The following TBC1D1 variants were observed in gnomAD, a reference collection of about 807,000 sequenced individuals.
TBC1D1 encodes TBC1 (tre-2/USP6, BUB2, cdc16) domain family, member 1.
In TBC1D1, 89 loss-of-function variants were observed where a neutral mutation model predicts 125.6. The ratio of observed to expected loss-of-function variants is 0.71; its 90% CI spans 0.60 to 0.85. TBC1D1 has a LOEUF of 0.85. Among genes scored for constraint, TBC1D1 ranks in the 40% least tolerant of loss-of-function variants. The pLI is 0.00. For missense variants in TBC1D1, 1,377 were observed against 1,469.2 expected, an observed-to-expected ratio of 0.94 and a Z score of 1.03; for synonymous variants, 565 against 564.1, an observed-to-expected ratio of 1.00 and a Z score of -0.02.
chr4:38,103,281 A>T lies in TBC1D1; in HGVS notation c.2557+124A>T, dbSNP rs1436623826. 5 of 987,622 alleles carry T rather than the reference A, an allele frequency of 5.1e-6. No homozygotes were observed. In the East Asian group the frequency reaches 1.3e-4, roughly 25 times the overall value. The allele number at this position is 987,622 out of a possible 1,614,324, so 61.2% of individuals were successfully genotyped here. A position where few individuals can be genotyped will look rare whatever the true frequency, so the allele number is the denominator to read the frequency against. ...TTAGCAATCAAAATTTACTACTGAG[A>T]CTTTTAATTTAAAAAGCCCTAGGGT... On this transcript the variant is annotated intron_variant, in intron 15 of 19. Coordinates refer to ENST00000261439, the MANE Select transcript of TBC1D1 (RefSeq NM_015173.4).
At chr4:37,930,646 T>A (rs1455638225) in intron 2 of TBC1D1, among the ~76,000 whole-genome samples, 1 of 152,206 alleles carries the variant, frequency 6.6e-6, no homozygotes, top group East Asian at 1.9e-4. Context: ...AAAGTCAGGA[T>A]AAACTAATTA....
intron 2 of TBC1D1, among the ~76,000 whole-genome samples, chr4:37,936,442 T>G (rs563106926): frequency 2.6e-5 from 4 of 152,212 alleles, no homozygotes; most frequent in African/African-American, 7.2e-5. Context: ...GTTGCTGCAC[T>G]GGAATCTGTT....
chr4:37,985,608 T>TA (rs1396409571), intron 2 of TBC1D1, among the ~76,000 whole-genome samples: 2 of 152,214 alleles, frequency 1.3e-5, no homozygotes, highest in Non-Finnish European at 2.9e-5. Flanking sequence ...GTTCCTATTT[T>TA]AAAATCCATT....
At chr4:37,893,780 C>T (rs183240874) in intron 1 of TBC1D1, among the ~76,000 whole-genome samples, 1 of 152,098 alleles carries the variant, frequency 6.6e-6, no homozygotes, top group African/African-American at 2.4e-5. Context: ...GAAACATGAT[C>T]GTGCCACTGA....
In TBC1D1 at chr4:37,992,936, C is replaced by T. The variant is rs533091711; in HGVS notation, c.418-21573C>T. Among the ~76,000 whole-genome samples, 845 of 151,898 alleles carry T rather than the reference C, an allele frequency of 5.6e-3. 5 individuals carry two copies. Among genetic ancestry groups the T allele is most frequent in the South Asian group, 0.027 (130 of 4,798 alleles). ...TCTCCTGCCTTGGCCTCCCGAGTAG[C>T]CAGGATTACAGGCGTGTGTCATCAT... On this transcript the variant is annotated intron_variant, in intron 2 of 19. Transcript: ENST00000261439.
At chr4:37,955,266 G>A (rs1054446839) in intron 2 of TBC1D1, among the ~76,000 whole-genome samples, 2 of 152,050 alleles carry the variant, frequency 1.3e-5, no homozygotes, top group Non-Finnish European at 2.9e-5. Flanking sequence ...TCCAAAGGTA[G>A]CGCAGACTTA....
At chr4:38,117,660 T>G (rs1246017381) in intron 16 of TBC1D1, among the ~76,000 whole-genome samples, 1 of 152,250 alleles carries the variant, frequency 6.6e-6, no homozygotes, top group Non-Finnish European at 1.5e-5. Context: ...GAGACTGGCT[T>G]CTTATTTCTA....
intron 2 of TBC1D1, among the ~76,000 whole-genome samples, chr4:37,980,548 C>T (rs1282212905): frequency 6.6e-6 from 1 of 152,130 alleles, no homozygotes; most frequent in Non-Finnish European, 1.5e-5. Flanking sequence ...TTTGCACCTG[C>T]TTATAAAGTT....
intron 18 of TBC1D1, among the ~76,000 whole-genome samples, chr4:38,128,746 A>G (rs1765077447): frequency 6.6e-6 from 1 of 152,190 alleles, no homozygotes; most frequent in African/African-American, 2.4e-5. Flanking sequence ...ACAGAAGACC[A>G]AGGGTGTCTG....
At chr4:37,905,025 CAT>C (rs374658173) in intron 2 of TBC1D1, among the ~76,000 whole-genome samples, 1 of 152,310 alleles carries the variant, frequency 6.6e-6, no homozygotes, top group South Asian at 2.1e-4. Context: ...CCAGAGAAGA[CAT>C]ATGCATTTAC....
chr4:37,940,640 G>T (rs915109551), intron 2 of TBC1D1, among the ~76,000 whole-genome samples: 4 of 152,174 alleles, frequency 2.6e-5, no homozygotes, highest in Admixed American at 6.5e-5. Flanking sequence ...TGCCCATTCA[G>T]TATGCTATTG....
intron 16 of TBC1D1, among the ~76,000 whole-genome samples, chr4:38,116,610 C>A (rs1763025369): frequency 6.6e-6 from 1 of 152,144 alleles, no homozygotes; most frequent in South Asian, 2.1e-4. Context: ...TTCCTAGTTT[C>A]TGAAACAGTG....
intron 2 of TBC1D1, among the ~76,000 whole-genome samples, chr4:37,929,263 T>C (rs895456495): frequency 6.6e-6 from 1 of 152,232 alleles, no homozygotes; most frequent in Non-Finnish European, 1.5e-5. Flanking sequence ...AGGTGATTTA[T>C]AAGTATATAT....
chr4:37,906,319 T>C (rs933082353), intron 2 of TBC1D1, among the ~76,000 whole-genome samples: 2 of 152,142 alleles, frequency 1.3e-5, no homozygotes, highest in African/African-American at 2.4e-5. Flanking sequence ...GGCTAATTTT[T>C]GTATTTTTAG....
intron 18 of TBC1D1, among the ~76,000 whole-genome samples, chr4:38,129,610 G>C (rs1011191035): frequency 8.5e-5 from 13 of 152,184 alleles, no homozygotes; most frequent in Non-Finnish European, 2.9e-5. Context: ...GAAGGCGGAA[G>C]CTCTGTGGCG....
At chr4:38,111,216 A>C (rs568901643) in intron 15 of TBC1D1, among the ~76,000 whole-genome samples, 1 of 151,734 alleles carries the variant, frequency 6.6e-6, no homozygotes, top group African/African-American at 2.4e-5. Flanking sequence ...CCCCTCATCC[A>C]CTCTCTACCC....
intron 2 of TBC1D1, among the ~76,000 whole-genome samples, chr4:37,905,394 T>C (rs1372838639): frequency 6.6e-6 from 1 of 152,240 alleles, no homozygotes; most frequent in East Asian, 1.9e-4. Flanking sequence ...TTATACATTA[T>C]TAACTGGAGA....
intron 2 of TBC1D1, among the ~76,000 whole-genome samples, chr4:37,928,703 AG>A (rs1026788785): frequency 8.5e-5 from 13 of 152,252 alleles, no homozygotes; most frequent in African/African-American, 3.1e-4. Context: ...TCTTTGGCAG[AG>A]GAATTATGAC....
At chr4:38,029,552 A>G (rs1321851119) in intron 7 of TBC1D1, among the ~76,000 whole-genome samples, 4 of 152,186 alleles carry the variant, frequency 2.6e-5, no homozygotes, top group African/African-American at 9.6e-5. Context: ...TATTTTCAGT[A>G]GAGACGGGGT....
Sources: allele counts gnomAD v4.1 joint callset (sites outside exome capture counted in the v4.1 genomes callset), GRCh38; gene constraint gnomAD v4.1.1; transcripts MANE v1.5; gene names NCBI Gene and HGNC (gene_info 2026-07-23, HGNC 2026-07-21).